GRAMD1C: variants seen among roughly 807,000 people sequenced by gnomAD.
The protein encoded by GRAMD1C is protein Aster-C.
In GRAMD1C, 89 loss-of-function variants were observed where a neutral mutation model predicts 97.8. The ratio of observed to expected loss-of-function variants is 0.91; its 90% CI spans 0.77 to 1.09. GRAMD1C has a LOEUF of 1.09. Among genes scored for constraint, GRAMD1C ranks in the 50% least tolerant of loss-of-function variants. The pLI is 0.00. For synonymous variants in GRAMD1C, 256 were observed against 267.0 expected, an observed-to-expected ratio of 0.96 and a Z score of 0.40; for missense variants, 740 against 766.4, an observed-to-expected ratio of 0.97 and a Z score of 0.41.
intron 6 of GRAMD1C, chr3:113,897,408 G>A (rs1271880029): frequency 3.4e-6 from 1 of 297,980 alleles, no homozygotes; most frequent in African/African-American, 2.3e-5. Flanking sequence ...AGAAAATTAG[G>A]AACTGTCCCT....
At chr3:113,835,119 G>C (rs1709616417), upstream of GRAMD1C, among the ~76,000 whole-genome samples, 1 of 151,974 alleles carries the variant, frequency 6.6e-6, no homozygotes, top group Admixed American at 6.6e-5. Flanking sequence ...TCCCCTGATT[G>C]TGGTAAGCAG....
chr3:113,890,717 T>C (rs772904472), intron 6 of GRAMD1C: 1 of 699,952 alleles, frequency 1.4e-6, no homozygotes, highest in Non-Finnish European at 2.6e-6. Context: ...ATATACTGTA[T>C]TGAATGTCCT....
At chr3:113,838,613 T>G (rs1308015544), upstream of GRAMD1C, 10 of 348,196 alleles carry the variant, frequency 2.9e-5, no homozygotes, top group Non-Finnish European at 4.6e-5. Flanking sequence ...AATTCACCTT[T>G]TCGCACATTG....
intron 2 of GRAMD1C, among the ~76,000 whole-genome samples, chr3:113,846,030 T>C (rs1933596011): frequency 6.6e-6 from 1 of 152,154 alleles, no homozygotes; most frequent in Non-Finnish European, 1.5e-5. Flanking sequence ...AATAATGTCA[T>C]GTCTATTGAC....
upstream of GRAMD1C, among the ~76,000 whole-genome samples, chr3:113,837,803 G>A (rs576147128): frequency 1.3e-5 from 2 of 152,258 alleles, no homozygotes; most frequent in South Asian, 4.1e-4. Context: ...AGCTACTCGA[G>A]AGGCTGAGGT....
At chr3:113,880,044 T>A (rs1473400822) in intron 5 of GRAMD1C, among the ~76,000 whole-genome samples, 3 of 152,160 alleles carry the variant, frequency 2.0e-5, no homozygotes, top group Non-Finnish European at 4.4e-5. Context: ...GCTACTTTTT[T>A]AGCCTCTCTT....
At chr3:113,832,444 T>C (rs778251344) in intron 1 of GRAMD1C, among the ~76,000 whole-genome samples, 1 of 152,328 alleles carries the variant, frequency 6.6e-6, no homozygotes, top group African/African-American at 2.4e-5. Flanking sequence ...TTTTATGTTA[T>C]GGTAAAATAT....
At chr3:113,856,715 T>G (rs1172995489) in intron 2 of GRAMD1C, among the ~76,000 whole-genome samples, 1 of 152,088 alleles carries the variant, frequency 6.6e-6, no homozygotes, top group Non-Finnish European at 1.5e-5. Context: ...AATTTTTGTA[T>G]TTTTAGCAGA....
At chr3:113,931,592 C>T (rs1361603696) in intron 11 of GRAMD1C, among the ~76,000 whole-genome samples, 2 of 152,026 alleles carry the variant, frequency 1.3e-5, no homozygotes, top group African/African-American at 4.8e-5. Context: ...CTCCTGAACT[C>T]ATGATCCGCC....
Position 113,901,055 on chromosome 3 carries a change from C to T in GRAMD1C, c.565C>T (p.Gln189Ter). The change falls in exon 7 of 18, where the codon CAA (glutamine) becomes TAA (stop). Residue 189 changes from glutamine to a stop codon, truncating the protein, a stop_gained. Coordinates refer to ENST00000358160, the MANE Select transcript of GRAMD1C (RefSeq NM_017577.5). LOFTEE classifies it high-confidence loss of function. ...GAGCCTGACTAGACAGGAATTCTGG[C>T]AACTGCTCCAGCAGAACTATGGCAC... ...DKSLTRQEFW[Q>*]LLQQNYGTEL... 1 of 1,602,406 alleles carries T rather than the reference C, an allele frequency of 6.2e-7. No homozygotes were observed. Among genetic ancestry groups the T allele is most frequent in the Non-Finnish European group, 8.5e-7 (1 of 1,169,642 alleles).
At chr3:113,863,098 G>T (rs957903397) in intron 2 of GRAMD1C, among the ~76,000 whole-genome samples, 3 of 152,038 alleles carry the variant, frequency 2.0e-5, no homozygotes, top group Admixed American at 6.5e-5. Context: ...ATACCCCAGA[G>T]AATTTAAATA....
rs557080037 is a variant in GRAMD1C, at chr3:113,931,578, C to T, written c.1209+746C>T. On this transcript the variant is annotated intron_variant, in intron 11 of 17. Coordinates refer to ENST00000358160, the MANE Select transcript of GRAMD1C (RefSeq NM_017577.5). Reference sequence around the variant, plus strand: ...TTCAGCATGTTGGTTGGGCTGGTCTCGAACTCCTGAACTCATGATCCGCCT... The same window carrying T: ...TTCAGCATGTTGGTTGGGCTGGTCTTGAACTCCTGAACTCATGATCCGCCT... Among the ~76,000 whole-genome samples, 82 of 152,034 alleles carry T rather than the reference C, an allele frequency of 5.4e-4. No individual in the cohort carries two copies. In the South Asian group the frequency reaches 0.013, roughly 24 times the overall value.
chr3:113,868,325 C>T (rs1934663180), intron 2 of GRAMD1C, among the ~76,000 whole-genome samples: 1 of 151,836 alleles, frequency 6.6e-6, no homozygotes, highest in African/African-American at 2.4e-5. Flanking sequence ...TTTTTTCTTT[C>T]CTTAGTATGA....
chr3:113,932,853 G>A (rs990275011), intron 11 of GRAMD1C, among the ~76,000 whole-genome samples: 2 of 150,710 alleles, frequency 1.3e-5, no homozygotes, highest in African/African-American at 2.4e-5. Context: ...CTACAGGCGT[G>A]TGCCACCAAC....
intron 12 of GRAMD1C, 64 bp downstream of exon 12, chr3:113,933,717 T>G (rs1419952054): frequency 7.8e-6 from 9 of 1,159,210 alleles, no homozygotes; most frequent in Non-Finnish European, 1.1e-5. Context: ...TTATTCATCC[T>G]GAATTCTTAG....
chr3:113,928,451 TC>T (rs1286297236), intron 10 of GRAMD1C, among the ~76,000 whole-genome samples: 1 of 152,224 alleles, frequency 6.6e-6, no homozygotes, highest in Non-Finnish European at 1.5e-5. Flanking sequence ...CCTAGATTCA[TC>T]AATTTTTAAA....
chr3:113,883,159 C>T (rs1935324608), intron 6 of GRAMD1C, among the ~76,000 whole-genome samples: 1 of 152,064 alleles, frequency 6.6e-6, no homozygotes, highest in South Asian at 2.1e-4. Context: ...AGAAAACAAA[C>T]AGCAAAATAG....
intron 13 of GRAMD1C, among the ~76,000 whole-genome samples, chr3:113,934,737 AT>A (rs1464250321): frequency 1.3e-5 from 2 of 151,736 alleles, no homozygotes; most frequent in Non-Finnish European, 2.9e-5. Context: ...ACAAACACTT[AT>A]TTTTTTTATT....
chr3:113,890,736 C>T (rs1935692083), intron 6 of GRAMD1C: 1 of 700,222 alleles, frequency 1.4e-6, no homozygotes, highest in Admixed American at 2.0e-5. Flanking sequence ...CTTCCAATGT[C>T]ACATTTGTGC....
Sources: allele counts gnomAD v4.1 joint callset (sites outside exome capture counted in the v4.1 genomes callset), GRCh38; gene constraint gnomAD v4.1.1; transcripts MANE v1.5; gene names NCBI Gene and HGNC (gene_info 2026-07-23, HGNC 2026-07-21).